The following VPS41 variants were observed in gnomAD, a reference collection of about 807,000 sequenced individuals.
VPS41 encodes the protein VPS41 subunit of HOPS complex, also known as vacuolar protein sorting-associated protein 41 homolog.
Under a neutral mutation model 130.9 loss-of-function variants are expected in VPS41, and 85 were observed. That is an observed-to-expected ratio of 0.65 (90% CI 0.55 to 0.78). The LOEUF is 0.78. Ranked by LOEUF, VPS41 falls within the 30% of genes least tolerant of loss-of-function variation. VPS41 has a pLI of 0.00. For synonymous variants in VPS41, 335 were observed against 332.9 expected (o/e 1.01, Z -0.07); for missense variants, 874 against 1,018.7 (o/e 0.86, Z 1.93).
chr7:38,882,796 C>T (rs1287542927), intron 2 of VPS41, among the ~76,000 whole-genome samples: 2 of 152,134 alleles, frequency 1.3e-5, no homozygotes, highest in African/African-American at 4.8e-5. Context: ...AAAGCAACTA[C>T]AGCCTTCATC....
intron 2 of VPS41, among the ~76,000 whole-genome samples, chr7:38,869,697 A>G (rs1786306682): frequency 6.6e-6 from 1 of 152,190 alleles, no homozygotes. Flanking sequence ...GGAAACAAAA[A>G]GTTTACATAT....
chr7:38,861,581 C>G (rs1482794182), intron 4 of VPS41, among the ~76,000 whole-genome samples: 2 of 152,168 alleles, frequency 1.3e-5, no homozygotes, highest in Non-Finnish European at 2.9e-5. Flanking sequence ...TTCTTTTCAG[C>G]AAAACAAGGC....
intron 4 of VPS41, among the ~76,000 whole-genome samples, chr7:38,842,031 T>G (rs947225775): frequency 6.6e-6 from 1 of 152,208 alleles, no homozygotes; most frequent in Non-Finnish European, 1.5e-5. Context: ...CAACAACTAC[T>G]CTACAGCTCT....
chr7:38,729,033 C>T (rs1233429205), intron 25 of VPS41, among the ~76,000 whole-genome samples: 3 of 152,150 alleles, frequency 2.0e-5, no homozygotes, highest in African/African-American at 7.2e-5. Context: ...TACACGGGCT[C>T]CTGTAGCATT....
At chr7:38,839,954 C>CT (rs1295151272) in intron 4 of VPS41, among the ~76,000 whole-genome samples, 3 of 152,202 alleles carry the variant, frequency 2.0e-5, no homozygotes, top group Non-Finnish European at 4.4e-5. Context: ...GATGGAAGGG[C>CT]TCCAGCCAGT....
chr7:38,745,426 A>T, intron 23 of VPS41, 133 bp downstream of exon 23: 2 of 720,416 alleles, frequency 2.8e-6, no homozygotes, highest in Non-Finnish European at 4.8e-6. Flanking sequence ...TTCATATATT[A>T]AATTATTGTA....
At chr7:38,819,606 C>A (rs1351045008) in intron 6 of VPS41, among the ~76,000 whole-genome samples, 5 of 152,132 alleles carry the variant, frequency 3.3e-5, no homozygotes, top group Admixed American at 6.5e-5. Context: ...ATAGAATGCC[C>A]TTGTTTCAGT....
intron 9 of VPS41, among the ~76,000 whole-genome samples, chr7:38,791,694 G>C (rs1296034006): frequency 2.0e-5 from 3 of 152,124 alleles, no homozygotes; most frequent in African/African-American, 7.2e-5. Flanking sequence ...GGGGAAGAAG[G>C]GGACAGAGTT....
rs368066954 is a variant in VPS41, at chr7:38,817,748, A to ATAAAT, written c.450+64_450+68dup. 3.5e-5 allele frequency: 44 copies of ATAAAT among 1,269,458 alleles called. 1 individual carries two copies. The highest frequency in any genetic ancestry group is 3.4e-4 in the African/African-American group (23 of 68,242). The allele number at this position is 1,269,458 out of a possible 1,614,324, so 78.6% of individuals were successfully genotyped here. On this transcript the variant is annotated intron_variant, in intron 7 of 28. Transcript: ENST00000310301. ...ATAGCCAGACATAAAAACATTAAGG[A>ATAAAT]TAAATTACAGAGTAAGCACACAACA...
intron 15 of VPS41, among the ~76,000 whole-genome samples, chr7:38,767,334 G>A (rs1784065886): frequency 6.6e-6 from 1 of 151,840 alleles, no homozygotes; most frequent in Non-Finnish European, 1.5e-5. Flanking sequence ...AAATAGTTGG[G>A]AAAATAATAA....
chr7:38,871,490 C>A (rs937149795), intron 2 of VPS41, among the ~76,000 whole-genome samples: 2 of 152,170 alleles, frequency 1.3e-5, no homozygotes, highest in Admixed American at 6.5e-5. Context: ...ACAAACCCTA[C>A]TGAGAGTTAA....
At chr7:38,795,800 A>ACCC (rs1379295297) in intron 8 of VPS41, among the ~76,000 whole-genome samples, 189 bp from the exon 9 acceptor site, 1 of 152,148 alleles carries the variant, frequency 6.6e-6, no homozygotes, top group Non-Finnish European at 1.5e-5. Flanking sequence ...GGAAACCTCC[A>ACCC]CCCTTCTTTC....
chr7:38,766,480 C>T (rs565643313), intron 15 of VPS41, among the ~76,000 whole-genome samples: 15 of 152,246 alleles, frequency 9.9e-5, no homozygotes, highest in African/African-American at 3.1e-4. Flanking sequence ...AGAAATGAGA[C>T]GACACAAATA....
chr7:38,835,493 ATGT>A (rs1785473600), intron 4 of VPS41, among the ~76,000 whole-genome samples: 3 of 151,914 alleles, frequency 2.0e-5, no homozygotes, highest in African/African-American at 7.2e-5. Context: ...AAGGATGGTG[ATGT>A]TGTATTTGCC....
intron 4 of VPS41, among the ~76,000 whole-genome samples, chr7:38,840,299 G>A (rs941319321): frequency 1.3e-5 from 2 of 152,088 alleles, no homozygotes; most frequent in Non-Finnish European, 2.9e-5. Context: ...TGGGCCCAAC[G>A]ACAAAAGCGA....
intron 17 of VPS41, among the ~76,000 whole-genome samples, chr7:38,761,051 T>G (rs1783900617): frequency 6.6e-6 from 1 of 152,222 alleles, no homozygotes; most frequent in Non-Finnish European, 1.5e-5. Context: ...TGATTGAAAT[T>G]TTACTTCAGA....
chr7:38,758,524 G>T, intron 17 of VPS41, 43 bp from the exon 18 acceptor site: 1 of 1,580,176 alleles, frequency 6.3e-7, no homozygotes, highest in Admixed American at 1.9e-5. Flanking sequence ...TCATTCAACA[G>T]AATAATAGTT....
At chr7:38,806,143 A>G (rs1312698088) in intron 7 of VPS41, among the ~76,000 whole-genome samples, 1 of 152,228 alleles carries the variant, frequency 6.6e-6, no homozygotes, top group Admixed American at 6.5e-5. Context: ...CATGTGGTAA[A>G]ATAGGTACTC....
rs1244105972 is a variant in VPS41 at position 38,725,867 on chromosome 7, C to T, written c.*379G>A. 2 of 162,440 alleles carry T rather than the reference C, an allele frequency of 1.2e-5. No individual in the cohort carries two copies. The highest frequency in any genetic ancestry group is 4.8e-5 in the African/African-American group (2 of 41,740). 10.1% of individuals were successfully genotyped at this position (162,440 alleles called of 1,614,324 possible). On this transcript the variant is annotated 3_prime_UTR_variant, in exon 29 of 29. Coordinates refer to ENST00000310301, the MANE Select transcript of VPS41 (RefSeq NM_014396.4). ...TGCAGGTAGCAGCTTGCAGGATAAC[C>T]ACAGTTGGCGACGCTTTCAGGCAGC...
Sources: allele counts gnomAD v4.1 joint callset (sites outside exome capture counted in the v4.1 genomes callset), GRCh38; gene constraint gnomAD v4.1.1; transcripts MANE v1.5; gene names NCBI Gene and HGNC (gene_info 2026-07-23, HGNC 2026-07-21).